The following CTNNBIP1 variants were observed in gnomAD, a reference collection of about 807,000 sequenced individuals.
CTNNBIP1 encodes the protein beta-catenin-interacting protein 1.
Under a neutral mutation model 11.8 loss-of-function variants are expected in CTNNBIP1, and 7 were observed. That is an observed-to-expected ratio of 0.60 (90% CI 0.34 to 1.12). The LOEUF (loss-of-function observed/expected upper bound fraction) is 1.12. Among genes scored for constraint, CTNNBIP1 ranks in the 50% most tolerant of loss-of-function variants. The pLI, the probability that CTNNBIP1 is intolerant of heterozygous loss-of-function variation, is 0.03. For missense variants in CTNNBIP1, 101 were observed against 113.4 expected, an observed-to-expected ratio of 0.89 and a Z score of 0.50; for synonymous variants, 58 against 43.9, an observed-to-expected ratio of 1.32 and a Z score of -1.26.
intron 1 of CTNNBIP1, among the ~76,000 whole-genome samples, chr1:9,903,675 C>T (rs1172365736): frequency 6.6e-6 from 1 of 152,138 alleles, no homozygotes; most frequent in Non-Finnish European, 1.5e-5. Context: ...TATCATTATC[C>T]CCATTTACAG....
At chr1:9,865,804 T>A (rs949894082) in intron 5 of CTNNBIP1, among the ~76,000 whole-genome samples, 3 of 152,172 alleles carry the variant, frequency 2.0e-5, no homozygotes, top group South Asian at 2.1e-4. Flanking sequence ...CCCAGTTTTT[T>A]AAAATGACTA....
intron 1 of CTNNBIP1, among the ~76,000 whole-genome samples, chr1:9,897,069 G>C (rs959040631): frequency 6.6e-6 from 1 of 151,782 alleles, no homozygotes; most frequent in Non-Finnish European, 1.5e-5. Context: ...TTGAACACGG[G>C]AGGAGGAGTT....
At chr1:9,857,235 C>T (rs1178595648) in intron 5 of CTNNBIP1, among the ~76,000 whole-genome samples, 2 of 152,078 alleles carry the variant, frequency 1.3e-5, no homozygotes, top group South Asian at 2.1e-4. Context: ...AATCCCAGCA[C>T]TTTGGGGGGC....
chr1:9,906,533 T>C (rs1389032677), intron 1 of CTNNBIP1, among the ~76,000 whole-genome samples: 1 of 151,890 alleles, frequency 6.6e-6, no homozygotes, highest in Non-Finnish European at 1.5e-5. Flanking sequence ...CACTCCAGCC[T>C]GGGCAACAAG....
At position 9,872,109 on chromosome 1, in the gene CTNNBIP1, T is replaced by A; in HGVS notation, c.-24-21A>T. 1 of 1,427,734 alleles carries A rather than the reference T, an allele frequency of 7.0e-7. No homozygotes were observed. The highest frequency in any genetic ancestry group is 9.9e-7 in the Non-Finnish European group (1 of 1,010,594). The allele number at this position is 1,427,734 out of a possible 1,614,324, so 88.4% of individuals were successfully genotyped here. A position where few individuals can be genotyped will look rare whatever the true frequency, so the allele number is the denominator to read the frequency against. On this transcript the variant is annotated intron_variant, in intron 3 of 5. Transcript: ENST00000377263. The surrounding 1 kb of genome is among the most constrained non-coding windows in gnomAD (Gnocchi z 4.0). ...GACTCCTGCAGAGCAAGCAACAGCA[T>A]CAAAAGGGAAGAGATCAGGATGTGA...
intron 1 of CTNNBIP1, among the ~76,000 whole-genome samples, chr1:9,889,265 C>T (rs765936277): frequency 1.3e-5 from 2 of 152,194 alleles, no homozygotes; most frequent in Non-Finnish European, 2.9e-5. Context: ...CCTCTACAGC[C>T]GTGGCTCTCA....
intron 1 of CTNNBIP1, among the ~76,000 whole-genome samples, chr1:9,892,589 T>TAA (rs202010915): frequency 2.0e-5 from 3 of 147,250 alleles, no homozygotes; most frequent in African/African-American, 7.6e-5. Flanking sequence ...CGAGACTGTC[T>TAA]CAAAAAAAAA....
At chr1:9,891,781 A>ATTTTTTTT (rs70998316) in intron 1 of CTNNBIP1, among the ~76,000 whole-genome samples, 3 of 81,408 alleles carry the variant, frequency 3.7e-5, no homozygotes, top group Non-Finnish European at 6.7e-5. Context: ...ATCTCTTTAA[A>ATTTTTTTT]TTTTTTTTTT....
chr1:9,854,324 C>T (rs961307265), intron 5 of CTNNBIP1, among the ~76,000 whole-genome samples: 51 of 149,086 alleles, frequency 3.4e-4, no homozygotes, highest in African/African-American at 9.6e-4. Flanking sequence ...GCTGAGATCG[C>T]GCCATTGTAC....
At position 9,876,192 on chromosome 1, in the gene CTNNBIP1, G is replaced by A. The variant is rs937663453; in HGVS notation, c.-25+1713C>T. On this transcript the variant is annotated intron_variant, in intron 3 of 5. Coordinates refer to ENST00000377263, the MANE Select transcript of CTNNBIP1 (RefSeq NM_020248.3). The stretch of plus-strand genomic sequence containing the variant: ...AACGTGAGAACCAAAAGTAATGATG[G>A]TTCTCAATTATGGTCTCTTGGCTAT... Among the ~76,000 whole-genome samples, 17 of 152,174 alleles carry A rather than the reference G, an allele frequency of 1.1e-4. 1 individual carries two copies. Among genetic ancestry groups the A allele is most frequent in the East Asian group, 3.8e-4 (2 of 5,204 alleles).
intron 1 of CTNNBIP1, among the ~76,000 whole-genome samples, chr1:9,885,480 C>T (rs1660735): frequency 0.15 from 22,365 of 151,862 alleles, 1,751 homozygotes; most frequent in South Asian, 0.21. Context: ...TCCGTCTCTA[C>T]AAAAAATACA....
Position 9,890,476 on chromosome 1 carries a change from C to T in CTNNBIP1, c.-143-6738G>A, listed in dbSNP as rs1000939713. ...AACAGCTGGAGCCCTGGAACCTGGC[C>T]AAGTCAGAGCCTGAGACCTGAAGTC... On this transcript the variant is annotated intron_variant, in intron 1 of 5. Transcript: ENST00000377263. Among the ~76,000 whole-genome samples, 11 of 152,136 alleles carry T rather than the reference C, an allele frequency of 7.2e-5. 1 individual carries two copies. The highest frequency in any genetic ancestry group is 2.7e-4 in the African/African-American group (11 of 41,438).
At chr1:9,903,738 G>A (rs551192699) in intron 1 of CTNNBIP1, among the ~76,000 whole-genome samples, 7 of 152,306 alleles carry the variant, frequency 4.6e-5, no homozygotes, top group African/African-American at 1.7e-4. Context: ...GGTCAGACAA[G>A]ACAGGGAAAG....
intron 1 of CTNNBIP1, among the ~76,000 whole-genome samples, chr1:9,908,521 C>A (rs900884548): frequency 4.8e-4 from 72 of 150,814 alleles, no homozygotes; most frequent in Admixed American, 2.0e-3. Flanking sequence ...ACTACAGGTG[C>A]CCACCACCAC....
chr1:9,861,615 C>T (rs879702749), intron 5 of CTNNBIP1, among the ~76,000 whole-genome samples: 7 of 152,208 alleles, frequency 4.6e-5, no homozygotes, highest in Admixed American at 1.3e-4. Flanking sequence ...GGCTGCTGGG[C>T]GGTGGCACTG....
intron 5 of CTNNBIP1, among the ~76,000 whole-genome samples, chr1:9,864,623 T>C (rs117021739): frequency 1.6e-3 from 244 of 152,284 alleles, no homozygotes; most frequent in Non-Finnish European, 2.5e-3. Context: ...CCACCGTGCC[T>C]GGCCGGACAA....
At chr1:9,864,219 A>G (rs1638693241) in intron 5 of CTNNBIP1, among the ~76,000 whole-genome samples, 1 of 152,240 alleles carries the variant, frequency 6.6e-6, no homozygotes, top group African/African-American at 2.4e-5. Flanking sequence ...GTGGCAGCAG[A>G]CCAGGGCATG....
intron 1 of CTNNBIP1, among the ~76,000 whole-genome samples, chr1:9,902,579 C>T (rs528766320): frequency 6.6e-6 from 1 of 152,120 alleles, no homozygotes; most frequent in Non-Finnish European, 1.5e-5. Context: ...ACCCAGCCCC[C>T]CACCTTAATG....
At chr1:9,856,513 C>CTTT (rs149518763) in intron 5 of CTNNBIP1, among the ~76,000 whole-genome samples, 2 of 129,594 alleles carry the variant, frequency 1.5e-5, no homozygotes, top group South Asian at 2.5e-4. Context: ...GTAAAAAATT[C>CTTT]TTTTTTTTTT....
Sources: gnomAD v4.1 joint callset for allele counts (sites outside exome capture counted in the v4.1 genomes callset) on GRCh38, gnomAD v4.1.1 for gene constraint, Gnocchi (gnomAD v3.1) non-coding constraint, MANE v1.5 for transcripts, NCBI Gene and HGNC (gene_info 2026-07-23, HGNC 2026-07-21) for gene names.